PSG1: variants seen among roughly 807,000 people sequenced by gnomAD.
PSG1 encodes the protein pregnancy-specific beta-1-glycoprotein 1.
Under a neutral mutation model 41.4 loss-of-function variants are expected in PSG1, and 60 were observed. The ratio of observed to expected loss-of-function variants is 1.45; its 90% CI spans 1.18 to 1.80. The LOEUF is 1.80. Ranked by LOEUF, PSG1 falls within the 40% of genes most tolerant of loss-of-function variation. The pLI is 0.00. For synonymous variants in PSG1, 256 were observed against 192.9 expected (o/e 1.33, Z -2.71); for missense variants, 806 against 516.9 (o/e 1.56, Z -5.42).
At position 42,873,415 on chromosome 19, in the gene PSG1, A is replaced by G. The variant is rs144591570; in HGVS notation, c.431-1370T>C. ...TGGATTTCTGGATTTCCGATGCTCA[A>G]TTTGTAACAGTGTAATTTTTCCGTA... is the stretch of plus-strand genomic sequence containing the variant. On this transcript the variant is annotated intron_variant, in intron 2 of 5. Transcript: ENST00000436291. 1.6e-4 allele frequency among the ~76,000 whole-genome samples: 25 copies of G among 151,716 alleles called. 1 individual carries two copies. Among genetic ancestry groups the G allele is most frequent in the African/African-American group, 5.6e-4 (23 of 41,376 alleles).
rs370902183 is a variant in PSG1 at position 42,877,809 on chromosome 19, C to A, written c.430+104G>T. ...GCCCAAATCCCAGCATGGGACATAA[C>A]GCAGTGAGTGACACAGGCAGAGTCC... On this transcript the variant is annotated intron_variant, in intron 2 of 5. Transcript: ENST00000436291. 10 of 1,594,450 alleles carry A rather than the reference C, an allele frequency of 6.3e-6. No homozygotes were observed. In the Admixed American group the frequency reaches 6.7e-5, roughly 11 times the overall value.
At chr19:42,868,047 G>C (rs760697393) in intron 5 of PSG1, 54 bp downstream of exon 5, 2 of 1,611,822 alleles carry the variant, frequency 1.2e-6, no homozygotes, top group East Asian at 4.5e-5. Flanking sequence ...TTCTCTGAAT[G>C]CCAGATAGAC....
intron 2 of PSG1, among the ~76,000 whole-genome samples, chr19:42,872,486 A>G (rs1401991378): frequency 2.0e-5 from 3 of 151,682 alleles, no homozygotes; most frequent in African/African-American, 7.3e-5. Context: ...CTAGAGATGG[A>G]TGATGGAACT....
At chr19:42,875,188 A>G (rs1971552384) in intron 2 of PSG1, among the ~76,000 whole-genome samples, 1 of 151,832 alleles carries the variant, frequency 6.6e-6, no homozygotes, top group African/African-American at 2.4e-5. Context: ...ATTCCTGGGC[A>G]TAGGCCAGGT....
chr19:42,872,074 G>T (rs2074847), intron 2 of PSG1, 29 bp from the exon 3 acceptor site: 22 of 1,595,318 alleles, frequency 1.4e-5, no homozygotes, highest in Non-Finnish European at 1.5e-5. Context: ...GAAGATTGCC[G>T]TGTGTGGCGC....
chr19:42,874,455 T>A (rs1971522087), intron 2 of PSG1, among the ~76,000 whole-genome samples: 1 of 151,634 alleles, frequency 6.6e-6, no homozygotes, highest in African/African-American at 2.4e-5. Context: ...CACACCATTC[T>A]CCTGCCTTGG....
intron 2 of PSG1, among the ~76,000 whole-genome samples, chr19:42,876,992 G>T (rs1971635381): frequency 6.6e-6 from 1 of 151,540 alleles, no homozygotes; most frequent in Non-Finnish European, 1.5e-5. Context: ...GCCTTCCTGT[G>T]CCTCAGTTTT....
chr19:42,866,751 T>G lies in PSG1; in HGVS notation c.*383A>C, dbSNP rs1312655561. 5 of 483,678 alleles carry G rather than the reference T, an allele frequency of 1.0e-5. No individual in the cohort carries two copies. In the East Asian group the frequency reaches 1.8e-4, roughly 17 times the overall value. The allele number at this position is 483,678 out of a possible 1,614,324, so 30.0% of individuals were successfully genotyped here. ...GAGGTTGAGATGACATATCTGACAC[T>G]CTGTTGTTACTCTCAGAAGCTACTA... On this transcript the variant is annotated 3_prime_UTR_variant, in exon 6 of 6. Coordinates refer to ENST00000436291, the MANE Select transcript of PSG1 (RefSeq NM_001184825.2).
At chr19:42,875,421 T>G (rs1364963618) in intron 2 of PSG1, among the ~76,000 whole-genome samples, 3 of 151,720 alleles carry the variant, frequency 2.0e-5, no homozygotes, top group African/African-American at 7.3e-5. Flanking sequence ...GTTTACAAAA[T>G]TTGTAACTAA....
intron 2 of PSG1, 32 bp from the exon 3 acceptor site, chr19:42,872,077 T>C (rs754530881): frequency 1.3e-6 from 2 of 1,592,248 alleles, no homozygotes; most frequent in South Asian, 2.3e-5. Context: ...GATTGCCGTG[T>C]GTGGCGCCTT....
intron 5 of PSG1, 78 bp downstream of exon 5, chr19:42,868,023 T>G: frequency 1.9e-6 from 3 of 1,610,800 alleles, no homozygotes; most frequent in Non-Finnish European, 2.5e-6. Flanking sequence ...GGAATACAAT[T>G]GTTTTCCTGA....
At chr19:42,867,430 A>T in intron 5 of PSG1, 2 of 576,986 alleles carry the variant, frequency 3.5e-6, no homozygotes, top group South Asian at 4.5e-5. Context: ...CTGAGATTAA[A>T]TCTTCACAAA....
rs746967581 is a variant in PSG1 at position 42,871,986 on chromosome 19, C to G, written c.490G>C (p.Ala164Pro). 2 of 1,612,276 alleles carry G rather than the reference C, an allele frequency of 1.2e-6. No individual in the cohort carries two copies. Among genetic ancestry groups the G allele is most frequent in the Non-Finnish European group, 1.7e-6 (2 of 1,179,186 alleles). Residue 164 changes from alanine (A) to proline (P), a missense_variant, in exon 3 of 6, where the codon GCT (alanine) becomes CCT (proline). By Grantham distance (27) the Ala-to-Pro change is conservative. Transcript: ENST00000436291. ...TCAGGGTCACAGGTTAAGCTCACAG[C>G]CTCCATGGTCTCCCTGGGATTTAAG... The part of the protein sequence containing the change: ...SNLNPRETME[A>P]VSLTCDPETP...
chr19:42,868,689 G>A (rs1311541739), intron 4 of PSG1, 67 bp downstream of exon 4: 2 of 1,599,174 alleles, frequency 1.3e-6, no homozygotes, highest in Non-Finnish European at 1.7e-6. Flanking sequence ...GAGACTGAGA[G>A]GCCTGGCATC....
chr19:42,878,188 A>C lies in PSG1; in HGVS notation c.155T>G (p.Leu52Arg), dbSNP rs147604693. The change falls in exon 2 of 6, where the codon CTT becomes CGT. Residue 52 changes from leucine to arginine, a missense_variant. Leu to Arg is a moderately radical substitution (Grantham distance 102, BLOSUM62 -2). Coordinates refer to ENST00000436291, the MANE Select transcript of PSG1 (RefSeq NM_001184825.2). ...CTGGGGCAAATTGTGGACAAGTAGA[A>C]GAACATCCTTCCCCTCGGAAACTTT... ...PTKVSEGKDV[L>R]LLVHNLPQNL... 1 of 1,612,136 alleles carries C rather than the reference A, an allele frequency of 6.2e-7. No individual in the cohort carries two copies. Among genetic ancestry groups the C allele is most frequent in the Non-Finnish European group, 8.5e-7 (1 of 1,179,164 alleles).
At chr19:42,874,377 C>T (rs1276426465) in intron 2 of PSG1, among the ~76,000 whole-genome samples, 1 of 151,206 alleles carries the variant, frequency 6.6e-6, no homozygotes, top group African/African-American at 2.4e-5. Flanking sequence ...GACAGAGTCT[C>T]GCTCTGTCAC....
rs199792524 is a variant in PSG1 at position 42,878,190 on chromosome 19, A to G, written c.153T>C (p.Val51=). The stretch of plus-strand genomic sequence containing the variant: ...GGGGCAAATTGTGGACAAGTAGAAG[A>G]ACATCCTTCCCCTCGGAAACTTTGG... The part of the protein sequence containing the change: ...EPTKVSEGKD[V]LLLVHNLPQN... Residue 51 remains valine (V), a synonymous_variant, in exon 2 of 6, where the codon GTT becomes GTC. Coordinates refer to ENST00000436291, the MANE Select transcript of PSG1 (RefSeq NM_001184825.2). 7.9e-4 allele frequency: 1,270 copies of G among 1,612,152 alleles called. 49 individuals are homozygous for G. The South Asian group carries it at 0.01, about 13-fold the overall frequency.
At chr19:42,873,623 T>A (rs1346473124) in intron 2 of PSG1, among the ~76,000 whole-genome samples, 1 of 151,680 alleles carries the variant, frequency 6.6e-6, no homozygotes, top group Admixed American at 6.6e-5. Context: ...TGCCGTGAAT[T>A]CCAGCAGGAT....
chr19:42,872,057 A>G lies in PSG1; in HGVS notation c.431-12T>C, dbSNP rs1454455775. 3 of 1,605,564 alleles carry G rather than the reference A, an allele frequency of 1.9e-6. No individual in the cohort carries two copies. The highest frequency in any genetic ancestry group is 2.7e-5 in the African/African-American group (2 of 74,398). The stretch of plus-strand genomic sequence containing the variant: ...CTTAGGAGTCTCCACTGTGCAGAAA[A>G]CAGGGTGAAGATTGCCGTGTGTGGC... On this transcript the variant is annotated splice_polypyrimidine_tract_variant and intron_variant, in intron 2 of 5. Coordinates refer to ENST00000436291, the MANE Select transcript of PSG1 (RefSeq NM_001184825.2).
Sources: gnomAD v4.1 joint callset for allele counts (sites outside exome capture counted in the v4.1 genomes callset) on GRCh38, gnomAD v4.1.1 for gene constraint, MANE v1.5 for transcripts, NCBI Gene and HGNC (gene_info 2026-07-23, HGNC 2026-07-21) for gene names.